ABCC11: variants seen among roughly 807,000 people sequenced by gnomAD.
ABCC11 encodes the protein ATP-binding cassette sub-family C member 11.
A neutral mutation model predicts 149.3 loss-of-function variants in ABCC11; 135 were observed. The observed-to-expected ratio is 0.90, with a 90% CI of 0.79 to 1.04. The LOEUF is 1.04. Ranked by LOEUF, ABCC11 falls within the 50% of genes least tolerant of loss-of-function variation. The probability of loss-of-function intolerance (pLI) is 0.00; values close to 1 mark genes in which losing one functional copy is unlikely to be tolerated. For synonymous variants in ABCC11, 665 were observed against 671.4 expected, an observed-to-expected ratio of 0.99 and a Z score of 0.15; for missense variants, 1,680 against 1,722.1, an observed-to-expected ratio of 0.98 and a Z score of 0.43.
intron 6 of ABCC11, 116 bp from the exon 7 acceptor site, chr16:48,216,403 G>T: frequency 9.9e-7 from 1 of 1,007,966 alleles, no homozygotes; most frequent in Non-Finnish European, 1.4e-6. Flanking sequence ...AAGGGTGGAA[G>T]AGTAGAGACA....
At chr16:48,178,772 A>T in intron 23 of ABCC11, 86 bp from the exon 24 acceptor site, 1 of 1,198,616 alleles carries the variant, frequency 8.3e-7, no homozygotes, top group South Asian at 1.3e-5. Flanking sequence ...ACTGATTGCC[A>T]TTGCCCCTGA....
chr16:48,224,716 A>T (rs1465555198), intron 4 of ABCC11, among the ~76,000 whole-genome samples: 3 of 152,126 alleles, frequency 2.0e-5, no homozygotes, highest in African/African-American at 7.2e-5. Context: ...TTTCAGATAA[A>T]GTCCTTTAAA....
At chr16:48,171,662 C>T (rs1024105527) in intron 26 of ABCC11, among the ~76,000 whole-genome samples, 3 of 152,124 alleles carry the variant, frequency 2.0e-5, no homozygotes, top group Admixed American at 1.3e-4. Flanking sequence ...CTATTTATAT[C>T]GAAACCTTTT....
At chr16:48,182,515 C>T (rs1390925565) in intron 23 of ABCC11, among the ~76,000 whole-genome samples, 1 of 152,128 alleles carries the variant, frequency 6.6e-6, no homozygotes, top group Non-Finnish European at 1.5e-5. Flanking sequence ...CGCGGTGGCT[C>T]ACACCTGTAA....
At chr16:48,203,328 C>A in intron 13 of ABCC11, 28 bp from the exon 14 acceptor site, 1 of 1,545,902 alleles carries the variant, frequency 6.5e-7, no homozygotes, top group Non-Finnish European at 8.8e-7. Flanking sequence ...CCATAAGGCA[C>A]AGGGGACCAG....
chr16:48,240,052 AG>A (rs1970886453), intron 1 of ABCC11, among the ~76,000 whole-genome samples: 1 of 152,236 alleles, frequency 6.6e-6, no homozygotes. Flanking sequence ...GCAGAGAAAA[AG>A]GAATACTTTT....
At position 48,205,457 on chromosome 16, in the gene ABCC11, G is replaced by A. The variant is rs780469390; in HGVS notation, c.1761C>T (p.Asn587=). Residue 587 remains asparagine, a synonymous_variant, in exon 13 of 30, where the codon AAC becomes AAT. Transcript: ENST00000356608. ...CTCCCATGAGGATGTTCTCCCTGAT[G>A]TTCCCGCTGACGATCCAGGCCTGCT... is the stretch of plus-strand genomic sequence containing the variant. ...VPQQAWIVSG[N]IRENILMGGA... 3.7e-6 allele frequency: 6 copies of A among 1,614,084 alleles called. No individual in the cohort carries two copies. The highest frequency in any genetic ancestry group is 2.2e-5 in the South Asian group (2 of 91,084).
intron 3 of ABCC11, among the ~76,000 whole-genome samples, chr16:48,229,598 G>A (rs989243747): frequency 1.0e-4 from 15 of 148,210 alleles, no homozygotes; most frequent in African/African-American, 3.6e-4. Flanking sequence ...CTGAGTAGCT[G>A]GGACTACAGG....
In ABCC11 at chr16:48,237,196, C is replaced by T. The variant is rs181004066; in HGVS notation, c.-18-5257G>A. Among the ~76,000 whole-genome samples the T allele has an allele frequency of 1.6e-4, 25 of 152,272 alleles. No individual in the cohort carries two copies. The East Asian group carries it at 1.7e-3, about 11-fold the overall frequency. ...GAGAGACCCTTGATGAAAAGGTAAG[C>T]GCTTGGGAATCTGGGCCACATATGT... On this transcript the variant is annotated intron_variant, in intron 1 of 29. Transcript: ENST00000356608.
In ABCC11 at chr16:48,216,204, C is replaced by T. The variant is rs374693833; in HGVS notation, c.861G>A (p.Ser287=). ...YGPLVLITCA[S]LVICSISSYF... ...AGGAAGAAATGCTGCAGATGACCAG[C>T]GATGCGCAGGTGATCAGTACTAGGG... Residue 287 remains serine (S), a synonymous_variant, in exon 7 of 30, where the codon TCG becomes TCA. Coordinates refer to ENST00000356608, the MANE Select transcript of ABCC11 (RefSeq NM_001370497.1). 22 of 1,614,040 alleles carry T rather than the reference C, an allele frequency of 1.4e-5. No homozygotes were observed. The highest frequency in any genetic ancestry group is 3.3e-5 in the South Asian group (3 of 91,080).
chr16:48,179,678 C>G (rs909731153), intron 23 of ABCC11, among the ~76,000 whole-genome samples: 1 of 152,218 alleles, frequency 6.6e-6, no homozygotes, highest in African/African-American at 2.4e-5. Flanking sequence ...GAGGGGCGCA[C>G]TCCACAATGG....
At chr16:48,234,606 G>T (rs1450892749) in intron 1 of ABCC11, among the ~76,000 whole-genome samples, 2 of 152,138 alleles carry the variant, frequency 1.3e-5, no homozygotes, top group Non-Finnish European at 2.9e-5. Flanking sequence ...AGCTTTCTTG[G>T]CTTCCCTGTG....
intron 20 of ABCC11, among the ~76,000 whole-genome samples, chr16:48,188,550 T>C (rs1306961931): frequency 6.6e-6 from 1 of 152,226 alleles, no homozygotes; most frequent in African/African-American, 2.4e-5. Context: ...CCAGTGGCCA[T>C]GAGGCCTTTC....
intron 1 of ABCC11, among the ~76,000 whole-genome samples, chr16:48,239,421 G>C (rs1374943942): frequency 1.3e-5 from 2 of 151,988 alleles, no homozygotes; most frequent in Admixed American, 1.3e-4. Context: ...AATTAGCCAG[G>C]TGTGGTGGCA....
At position 48,177,103 on chromosome 16, in the gene ABCC11, G is replaced by A. The variant is rs761123406; in HGVS notation, c.3359C>T (p.Ser1120Leu). Residue 1120 changes from serine to leucine, a missense_variant, in exon 25 of 30, where the codon TCG becomes TTG. Ser to Leu is a moderately radical substitution (Grantham distance 145, BLOSUM62 -2). Coordinates refer to ENST00000356608, the MANE Select transcript of ABCC11 (RefSeq NM_001370497.1). The stretch of plus-strand genomic sequence containing the variant: ...GCCTTCCATGTGTAAAGGAGCTTCC[G>A]AGACACACATCTTGTTTTTGAAGAA... The part of the protein sequence containing the change: ...RILQYMKMCV[S>L]EAPLHMEGTS... 5.0e-5 allele frequency: 81 copies of A among 1,612,522 alleles called. No individual in the cohort carries two copies. In the Admixed American group the frequency reaches 1.1e-3, roughly 22 times the overall value.
At chr16:48,208,668 T>C (rs552251056) in intron 11 of ABCC11, among the ~76,000 whole-genome samples, 172 bp from the exon 12 acceptor site, 2 of 152,126 alleles carry the variant, frequency 1.3e-5, no homozygotes, top group South Asian at 4.1e-4. Flanking sequence ...TTGTGCTCAG[T>C]CCCTGGAGGC....
intron 12 of ABCC11, among the ~76,000 whole-genome samples, chr16:48,207,191 G>A (rs1002553033): frequency 6.6e-6 from 1 of 152,116 alleles, no homozygotes; most frequent in Admixed American, 6.5e-5. Flanking sequence ...AGAAGAAGGG[G>A]GAAGAGATGG....
chr16:48,180,983 T>C (rs546798636), intron 23 of ABCC11, among the ~76,000 whole-genome samples: 4 of 152,326 alleles, frequency 2.6e-5, no homozygotes, highest in Non-Finnish European at 5.9e-5. Context: ...CATTAGAGTC[T>C]CCTGTGGTGC....
chr16:48,175,651 C>T (rs1206320491), intron 25 of ABCC11, among the ~76,000 whole-genome samples: 1 of 152,208 alleles, frequency 6.6e-6, no homozygotes, highest in Non-Finnish European at 1.5e-5. Context: ...TGGATCAAAG[C>T]CAGCCCGCAG....
Sources: allele counts gnomAD v4.1 joint callset (sites outside exome capture counted in the v4.1 genomes callset), GRCh38; gene constraint gnomAD v4.1.1; transcripts MANE v1.5; gene names NCBI Gene and HGNC (gene_info 2026-07-23, HGNC 2026-07-21).